The following PBX1 variants were observed in gnomAD, a reference collection of about 807,000 sequenced individuals.
PBX1 encodes PBX homeobox 1, also known as pre-B-cell leukemia transcription factor 1.
In PBX1, 6 loss-of-function variants were observed where a neutral mutation model predicts 53.4. The ratio of observed to expected loss-of-function variants is 0.11; its 90% confidence interval spans 0.06 to 0.22. The LOEUF is 0.22. Ranked by LOEUF, PBX1 falls within the 10% of genes least tolerant of loss-of-function variation. The probability of loss-of-function intolerance (pLI) is 1.00; values close to 1 mark genes in which losing one functional copy is unlikely to be tolerated. For missense variants in PBX1, 251 were observed against 551.4 expected (o/e 0.46, Z 5.46); for synonymous variants, 204 against 212.3 (o/e 0.96, Z 0.34).
intron 2 of PBX1, among the ~76,000 whole-genome samples, chr1:164,580,872 C>T (rs1654570804): frequency 6.6e-6 from 1 of 152,164 alleles, no homozygotes; most frequent in Admixed American, 6.5e-5. Flanking sequence ...AGCCACCGCA[C>T]CTGGCTCTAG....
intron 2 of PBX1, chr1:164,641,947 AT>A (rs1659171102): frequency 6.6e-6 from 1 of 152,184 alleles, no homozygotes; most frequent in Non-Finnish European, 1.5e-5. Context: ...CCCCTGGAAA[AT>A]TAAGGTCCAG....
At chr1:164,815,757 C>T (rs1029000475) in intron 6 of PBX1, 1 of 152,122 alleles carries the variant, frequency 6.6e-6, no homozygotes, top group Non-Finnish European at 1.5e-5. Context: ...AGGAAACTGC[C>T]CCCATGATTC....
At chr1:164,772,685 T>G (rs1667438167) in intron 2 of PBX1, among the ~76,000 whole-genome samples, 1 of 152,202 alleles carries the variant, frequency 6.6e-6, no homozygotes, top group Admixed American at 6.5e-5. Flanking sequence ...TGGGGACTAT[T>G]GCTGCCCCGC....
At chr1:164,600,682 A>AC (rs1221709716) in intron 2 of PBX1, among the ~76,000 whole-genome samples, 1 of 152,208 alleles carries the variant, frequency 6.6e-6, no homozygotes, top group Non-Finnish European at 1.5e-5. Context: ...TGGTTAAAGC[A>AC]CCGGGCTAGT....
At chr1:164,837,966 C>T (rs971871199) in intron 8 of PBX1, among the ~76,000 whole-genome samples, 1 of 152,100 alleles carries the variant, frequency 6.6e-6, no homozygotes, top group Non-Finnish European at 1.5e-5. Flanking sequence ...CCTGGATCTT[C>T]GCAACAGATT....
rs534474676 is a variant in PBX1, at chr1:164,588,326, C to T, written c.265+25015C>T. Among the ~76,000 whole-genome samples the T allele has an allele frequency of 2.7e-5, 4 of 150,528 alleles. No individual in the cohort carries two copies. In the East Asian group the frequency reaches 8.0e-4, roughly 30 times the overall value. On this transcript the variant is annotated intron_variant, in intron 2 of 8. Transcript: ENST00000420696. ...AAACTGGCTTTTGCTGTGACTTCAA[C>T]TGTATGTTAATAGTGCTTTTTAAAA...
chr1:164,652,881 T>TC (rs1296313242), intron 2 of PBX1, among the ~76,000 whole-genome samples: 1 of 151,524 alleles, frequency 6.6e-6, no homozygotes, highest in African/African-American at 2.4e-5. Context: ...AACTTTTTTT[T>TC]TTTTTTCGGA....
intron 2 of PBX1, among the ~76,000 whole-genome samples, chr1:164,587,433 T>C (rs1010306457): frequency 1.3e-5 from 2 of 152,186 alleles, no homozygotes; most frequent in African/African-American, 4.8e-5. Flanking sequence ...TTCAGGTCTA[T>C]GCTTCTAGCA....
At chr1:164,643,645 C>T (rs1011086455) in intron 2 of PBX1, among the ~76,000 whole-genome samples, 5 of 152,280 alleles carry the variant, frequency 3.3e-5, no homozygotes, top group Admixed American at 1.3e-4. Context: ...ATTTAAGTTA[C>T]AACCTTTTGG....
intron 2 of PBX1, among the ~76,000 whole-genome samples, chr1:164,718,837 T>C (rs1664256498): frequency 6.6e-6 from 1 of 152,196 alleles, no homozygotes; most frequent in Non-Finnish European, 1.5e-5. Context: ...AATTTTAGAT[T>C]TCAAAATGTA....
intron 2 of PBX1, among the ~76,000 whole-genome samples, chr1:164,712,549 C>T: frequency 6.6e-6 from 1 of 152,150 alleles, no homozygotes; most frequent in South Asian, 2.1e-4. Context: ...ATTTTCCTTT[C>T]CCGGTTGATA....
intron 2 of PBX1, among the ~76,000 whole-genome samples, chr1:164,782,126 C>T (rs976668960): frequency 6.6e-6 from 1 of 152,162 alleles, no homozygotes; most frequent in Non-Finnish European, 1.5e-5. Context: ...GGGCTGGTCT[C>T]CAGGGTGTGA....
intron 2 of PBX1, among the ~76,000 whole-genome samples, chr1:164,657,697 T>C (rs1660244618): frequency 6.6e-6 from 1 of 152,052 alleles, no homozygotes; most frequent in African/African-American, 2.4e-5. Flanking sequence ...GAATCGGGAG[T>C]TTTCTCAAGT....
chr1:164,885,231 C>A (rs1672751137), intron 2 of PBX1, among the ~76,000 whole-genome samples: 1 of 152,164 alleles, frequency 6.6e-6, no homozygotes, highest in African/African-American at 2.4e-5. Flanking sequence ...TATCCCACAC[C>A]TACCAACGAG....
rs569754915 is a variant in PBX1 at position 164,759,667 on chromosome 1, C to G, written c.266-32827C>G. ...CCTTGACAATATTGTGTTAAACCTT[C>G]TGAAGTGGTGAAGCCAAGCTGCAGC... On this transcript the variant is annotated intron_variant, in intron 2 of 8. Coordinates refer to ENST00000420696, the MANE Select transcript of PBX1 (RefSeq NM_002585.4). Among the ~76,000 whole-genome samples, 6 of 152,316 alleles carry G rather than the reference C, an allele frequency of 3.9e-5. No individual in the cohort carries two copies. In the South Asian group the frequency reaches 1.2e-3, roughly 32 times the overall value.
intron 2 of PBX1, among the ~76,000 whole-genome samples, chr1:164,882,250 C>A (rs1318591048): frequency 6.6e-6 from 1 of 152,078 alleles, no homozygotes; most frequent in Non-Finnish European, 1.5e-5. Flanking sequence ...ATATGGTGCT[C>A]ACTAAATATG....
chr1:164,805,320 C>A (rs992904896), intron 4 of PBX1, among the ~76,000 whole-genome samples: 1 of 152,196 alleles, frequency 6.6e-6, no homozygotes, highest in African/African-American at 2.4e-5. Context: ...GTGTTATTTT[C>A]ACTAGGTTTC....
chr1:164,754,271 T>C (rs1666387055), intron 2 of PBX1, among the ~76,000 whole-genome samples: 1 of 152,192 alleles, frequency 6.6e-6, no homozygotes, highest in African/African-American at 2.4e-5. Context: ...TTTCTTTTCT[T>C]GAAGCCAGTG....
intron 2 of PBX1, among the ~76,000 whole-genome samples, chr1:164,656,418 ATTC>A (rs1233464754): frequency 1.2e-4 from 18 of 152,334 alleles, no homozygotes; most frequent in African/African-American, 3.4e-4. Flanking sequence ...TACAATCTGC[ATTC>A]TTCTTATTAA....
Sources: allele counts gnomAD v4.1 joint callset (sites outside exome capture counted in the v4.1 genomes callset), GRCh38; gene constraint gnomAD v4.1.1; transcripts MANE v1.5; gene names NCBI Gene and HGNC (gene_info 2026-07-23, HGNC 2026-07-21).